The following SCRIB variants were observed in gnomAD, a reference collection of about 807,000 sequenced individuals.
The protein encoded by SCRIB is scribble planar cell polarity protein.
In SCRIB, 72 loss-of-function variants were observed where a neutral mutation model predicts 170.0. That is an observed-to-expected ratio of 0.42 (90% CI 0.35 to 0.52). The LOEUF (loss-of-function observed/expected upper bound fraction) is 0.52, where lower values mean the gene tolerates loss of function less well. Ranked by LOEUF, SCRIB falls within the 20% of genes least tolerant of loss-of-function variation. The pLI, the probability that SCRIB is intolerant of heterozygous loss-of-function variation, is 0.02. For missense variants in SCRIB, 2,475 were observed against 2,338.5 expected (o/e 1.06, Z -1.20); for synonymous variants, 1,298 against 1,044.3 (o/e 1.24, Z -4.68).
Position 143,790,932 on chromosome 8 carries a change from T to TAGTC in SCRIB, c.*227_*230dup. The TAGTC allele has an allele frequency of 2.4e-6, 1 of 421,046 alleles. No individual in the cohort carries two copies. The highest frequency in any genetic ancestry group is 4.1e-6 in the Non-Finnish European group (1 of 245,532). 26.1% of individuals were successfully genotyped at this position (421,046 alleles called of 1,614,324 possible). A position where few individuals can be genotyped will look rare whatever the true frequency, so the allele number is the denominator to read the frequency against. On this transcript the variant is annotated 3_prime_UTR_variant, in exon 37 of 37. Coordinates refer to ENST00000356994, the MANE Select transcript of SCRIB (RefSeq NM_182706.5). ...GGACAGGCAGACGGGAGGTAAAATGTAGTCAACTTTATTCTCCTTAAACCA... is the reference window on the plus strand; with the variant it reads ...GGACAGGCAGACGGGAGGTAAAATGTAGTCAGTCAACTTTATTCTCCTTAAACCA...
In SCRIB at chr8:143,792,385, G is replaced by C. The variant is rs189617291; in HGVS notation, c.4349C>G (p.Pro1450Arg). The C allele has an allele frequency of 2.0e-5, 29 of 1,480,236 alleles. No homozygotes were observed. Among genetic ancestry groups the C allele is most frequent in the Admixed American group, 1.3e-4 (6 of 46,738 alleles). 91.7% of individuals were successfully genotyped at this position (1,480,236 alleles called of 1,614,324 possible). ...PTSRQSPASP[P>R]PLGGGAPVRT... ...CACCGGGGCGCCACCTCCCAGGGGT[G>C]GGGGGGACGCCGGGCTCTGCCTGGG... The change falls in exon 32 of 37, where the codon CCA (proline) becomes CGA (arginine). Residue 1450 changes from proline (P) to arginine (R), a missense_variant. By Grantham distance (103) the Pro-to-Arg change is moderately radical. Coordinates refer to ENST00000356994, the MANE Select transcript of SCRIB (RefSeq NM_182706.5).
At chr8:143,809,869 G>C in intron 13 of SCRIB, 151 bp from the exon 14 acceptor site, 1 of 870,538 alleles carries the variant, frequency 1.1e-6, no homozygotes, top group Non-Finnish European at 1.7e-6. Context: ...GCTGCTCCCT[G>C]TCCCAGCCTG....
At position 143,803,711 on chromosome 8, in the gene SCRIB, C is replaced by T. The variant is rs1554635546; in HGVS notation, c.3350G>A (p.Gly1117Glu). The change falls in exon 23 of 37, where the codon GGG becomes GAG. Residue 1117 changes from glycine (G) to glutamate (E), a missense_variant. Physicochemically the swap from Gly to Glu is moderately conservative, Grantham distance 98 (BLOSUM62 -2). Around this residue, in one of 3 missense-constraint regions of SCRIB, gnomAD observed 1,966 missense variants for 1,742.9 expected, o/e 1.13. Coordinates refer to ENST00000356994, the MANE Select transcript of SCRIB (RefSeq NM_182706.5). Reference sequence around the variant, plus strand: ...GTTGCCAGCGTGGCCCCTGGCACCCCCGCGGATGCTGATGCCCAGCCTCTC... The same window carrying T: ...GTTGCCAGCGTGGCCCCTGGCACCCTCGCGGATGCTGATGCCCAGCCTCTC... ...PGERLGISIR[G>E]GARGHAGNPR... 3 of 1,589,144 alleles carry T rather than the reference C, an allele frequency of 1.9e-6. No individual in the cohort carries two copies. The highest frequency in any genetic ancestry group is 1.7e-6 in the Non-Finnish European group (2 of 1,173,832).
chr8:143,804,484 A>G (rs902976643), intron 21 of SCRIB, 84 bp downstream of exon 21: 2 of 1,380,222 alleles, frequency 1.4e-6, no homozygotes, highest in Non-Finnish European at 1.9e-6. Context: ...AGTGGGCCGC[A>G]AGGCCATAAG....
rs1815840040 is a variant in SCRIB, at chr8:143,813,286, T to C, written c.567+25A>G. On this transcript the variant is annotated intron_variant, in intron 6 of 36. Coordinates refer to ENST00000356994, the MANE Select transcript of SCRIB (RefSeq NM_182706.5). The stretch of plus-strand genomic sequence containing the variant: ...TGCTTCCGTGGCCCGCCCTCCGGTC[T>C]CTGCCCTGTCAGGCCTCCACGCACC... 3 of 1,612,972 alleles carry C rather than the reference T, an allele frequency of 1.9e-6. No individual in the cohort carries two copies. The Admixed American group carries it at 5.0e-5, about 27-fold the overall frequency.
In SCRIB at chr8:143,815,721, T is replaced by TGCCCCGCCGACACCC. The variant is rs1445725735; in HGVS notation, c.-364_-350dup. The TGCCCCGCCGACACCC allele has an allele frequency of 1.4e-4, 139 of 983,654 alleles. 1 individual carries two copies. In the African/African-American group the frequency reaches 2.4e-3, roughly 17 times the overall value. 60.9% of individuals were successfully genotyped at this position (983,654 alleles called of 1,614,324 possible). A position where few individuals can be genotyped will look rare whatever the true frequency, so the allele number is the denominator to read the frequency against. ...CCGGAACCGCCGCTGCCCGCCGGAC[T>TGCCCCGCCGACACCC]GCCCCGCCGACACCCACCCGGCCGC... On this transcript the variant is annotated 5_prime_UTR_variant, in exon 1 of 37. Coordinates refer to ENST00000356994, the MANE Select transcript of SCRIB (RefSeq NM_182706.5).
In SCRIB at chr8:143,792,736, G is replaced by A. The variant is rs372945531; in HGVS notation, c.4149C>T (p.Asp1383=). ...CCTCCTCCTGCATCTTCCGCAGGTC[G>A]TCAGCACCCACCAGGGACACGCGCT... The part of the protein sequence containing the change: ...PPKRVSLVGA[D]DLRKMQEEEA... The change falls in exon 30 of 37, where the codon GAC becomes GAT. Residue 1383 remains aspartate, a synonymous_variant. Coordinates refer to ENST00000356994, the MANE Select transcript of SCRIB (RefSeq NM_182706.5). The A allele has an allele frequency of 2.8e-5, 45 of 1,590,768 alleles. No homozygotes were observed. Among genetic ancestry groups the A allele is most frequent in the Middle Eastern group, 1.7e-4 (1 of 6,024 alleles).
chr8:143,815,043 A>G, intron 1 of SCRIB, 171 bp downstream of exon 1: 2 of 741,590 alleles, frequency 2.7e-6, no homozygotes, highest in Non-Finnish European at 4.0e-6. Context: ...CACCTGCGCC[A>G]GCCAGGGCGG....
intron 1 of SCRIB, 48 bp downstream of exon 1, chr8:143,815,166 A>C (rs774716921): frequency 1.3e-6 from 2 of 1,486,574 alleles, no homozygotes; most frequent in Admixed American, 2.2e-5. Flanking sequence ...CGGAGGAATC[A>C]CGGGCTGGGG....
rs1816027788 is a variant in SCRIB, at chr8:143,815,301, C to T, written c.72G>A (p.Leu24=). The change falls in exon 1 of 37, where the codon CTG becomes CTA. Residue 24 remains leucine, a synonymous_variant. Coordinates refer to ENST00000356994, the MANE Select transcript of SCRIB (RefSeq NM_182706.5). ...VESVDKRHCS[L]QAVPEEIYRY... ...GGTAGATCTCCTCCGGCACGGCCTGCAGCGAACAGTGCCGCTTGTCCACCG... is the reference window on the plus strand; with the variant it reads ...GGTAGATCTCCTCCGGCACGGCCTGTAGCGAACAGTGCCGCTTGTCCACCG... The T allele has an allele frequency of 1.9e-6, 3 of 1,593,526 alleles. No homozygotes were observed. Among genetic ancestry groups the T allele is most frequent in the East Asian group, 2.3e-5 (1 of 42,674 alleles).
Position 143,810,909 on chromosome 8 carries a change from G to A in SCRIB, c.1270C>T (p.Leu424Phe), listed in dbSNP as rs201098590. The A allele has an allele frequency of 6.2e-6, 10 of 1,611,548 alleles. No individual in the cohort carries two copies. The East Asian group carries it at 2.2e-4, about 36-fold the overall frequency. Residue 424 changes from leucine (L) to phenylalanine (F), a missense_variant, in exon 11 of 37, where the codon CTC becomes TTC. Around this residue, in one of 3 missense-constraint regions of SCRIB, gnomAD observed 1,966 missense variants for 1,742.9 expected, o/e 1.13. Coordinates refer to ENST00000356994, the MANE Select transcript of SCRIB (RefSeq NM_182706.5). ...YLLPQQPPPS[L>F]EDAGQQGSLS... ...GCACCGGTTGCCAACAACCTACCGAGGCTGGGTGGGGGCTGCTGGGGCAGC... is the reference window on the plus strand; with the variant it reads ...GCACCGGTTGCCAACAACCTACCGAAGCTGGGTGGGGGCTGCTGGGGCAGC...
At position 143,792,086 on chromosome 8, in the gene SCRIB, C is replaced by T; in HGVS notation, c.4562G>A (p.Ser1521Asn). The T allele has an allele frequency of 6.3e-7, 1 of 1,594,436 alleles. No individual in the cohort carries two copies. Among genetic ancestry groups the T allele is most frequent in the Non-Finnish European group, 8.5e-7 (1 of 1,176,366 alleles). ...QDALRAQMVL[S>N]RSQEGRGTRG... Reference sequence around the variant, plus strand: ...CGTGCCCCGGCCTTCCTGGGACCTGCTGAGGACCATCTGTGCTCGGAGAGC... The same window carrying T: ...CGTGCCCCGGCCTTCCTGGGACCTGTTGAGGACCATCTGTGCTCGGAGAGC... Residue 1521 changes from serine (S) to asparagine (N), a missense_variant, in exon 33 of 37, where the codon AGC becomes AAC. Physicochemically the swap from Ser to Asn is conservative, Grantham distance 46. Around this residue, in one of 3 missense-constraint regions of SCRIB, gnomAD observed 1,966 missense variants for 1,742.9 expected, o/e 1.13. Coordinates refer to ENST00000356994, the MANE Select transcript of SCRIB (RefSeq NM_182706.5).
chr8:143,806,541 C>T lies in SCRIB; in HGVS notation c.2269-57G>A, dbSNP rs781985539. The T allele has an allele frequency of 1.8e-5, 26 of 1,415,872 alleles. No homozygotes were observed. In the East Asian group the frequency reaches 5.2e-4, roughly 28 times the overall value. The allele number at this position is 1,415,872 out of a possible 1,614,324, so 87.7% of individuals were successfully genotyped here. A position where few individuals can be genotyped will look rare whatever the true frequency, so the allele number is the denominator to read the frequency against. On this transcript the variant is annotated intron_variant, in intron 17 of 36. Transcript: ENST00000356994. ...AGGGAGACGGGCCCGCATTCCTGCT[C>T]CTTCTGCAGAAGACCCAGGAGGGGA...
At chr8:143,811,414 G>A in intron 9 of SCRIB, 69 bp from the exon 10 acceptor site, 1 of 1,418,274 alleles carries the variant, frequency 7.1e-7, no homozygotes, top group Non-Finnish European at 9.8e-7. Flanking sequence ...GACAGCCCCT[G>A]GCAGGAGGGC....
intron 27 of SCRIB, chr8:143,794,353 T>C (rs1554633641): frequency 9.3e-6 from 2 of 215,344 alleles, no homozygotes; most frequent in Non-Finnish European, 1.9e-5. Flanking sequence ...GCTGCCCCCA[T>C]GACTGTGCTG....
Sources: gnomAD v4.1 joint callset for allele counts on GRCh38, gnomAD v4.1.1 for gene constraint, gnomAD v4.1.1 regional missense constraint, MANE v1.5 for transcripts, NCBI Gene and HGNC (gene_info 2026-07-23, HGNC 2026-07-21) for gene names.